MDH1: variants seen among roughly 807,000 people sequenced by gnomAD.
MDH1 encodes the protein malate dehydrogenase, cytoplasmic.
MDH1 carries 15 observed loss-of-function variants against 38.7 expected under a neutral mutation model. The ratio of observed to expected loss-of-function variants is 0.39; its 90% CI spans 0.26 to 0.60. MDH1 has a LOEUF of 0.60. Among genes scored for constraint, MDH1 ranks in the 20% least tolerant of loss-of-function variants. MDH1 has a pLI of 0.56. For synonymous variants in MDH1, 144 were observed against 143.6 expected (o/e 1.00, Z -0.02); for missense variants, 368 against 405.2 (o/e 0.91, Z 0.79).
intron 5 of MDH1, among the ~76,000 whole-genome samples, chr2:63,603,655 C>CTTTTTTTTTT (rs11297982): frequency 2.0e-5 from 2 of 99,112 alleles, no homozygotes; most frequent in Admixed American, 1.2e-4. Flanking sequence ...CAAGACATTT[C>CTTTTTTTTTT]TTTTTTTTTT....
Position 63,591,556 on chromosome 2 carries a change from G to A in MDH1, c.3+2510G>A, listed in dbSNP as rs180736220. Among the ~76,000 whole-genome samples, 10 of 152,246 alleles carry A rather than the reference G, an allele frequency of 6.6e-5. No individual in the cohort carries two copies. In the East Asian group the frequency reaches 1.9e-3, roughly 29 times the overall value. ...TTCTAACCATATAGGTGACCTTATG[G>A]GAAGTTAAACTTAATAGATAGTGAT... On this transcript the variant is annotated intron_variant, in intron 1 of 8. Coordinates refer to ENST00000233114, the MANE Select transcript of MDH1 (RefSeq NM_005917.4).
intron 5 of MDH1, among the ~76,000 whole-genome samples, chr2:63,600,867 T>C (rs551778876): frequency 6.6e-6 from 1 of 152,348 alleles, no homozygotes; most frequent in East Asian, 1.9e-4. Context: ...TTGCAAACTC[T>C]GGATTGCCAG....
chr2:63,607,090 A>G lies in MDH1; in HGVS notation c.*103A>G. 2.6e-6 allele frequency: 3 copies of G among 1,175,026 alleles called. No individual in the cohort carries two copies. The South Asian group carries it at 5.1e-5, about 20-fold the overall frequency. The allele number at this position is 1,175,026 out of a possible 1,614,324, so 72.8% of individuals were successfully genotyped here. On this transcript the variant is annotated 3_prime_UTR_variant, in exon 9 of 9. Coordinates refer to ENST00000233114, the MANE Select transcript of MDH1 (RefSeq NM_005917.4). ...AATGCTATACTTAAATTACTTGTGA[A>G]AAACAACACATTTTAAAGATTACGT...
intron 5 of MDH1, among the ~76,000 whole-genome samples, chr2:63,603,022 C>T (rs1290482141): frequency 4.5e-5 from 6 of 132,024 alleles, no homozygotes; most frequent in African/African-American, 8.6e-5. Context: ...TGCAATGGCA[C>T]GATCTCGGCT....
intron 4 of MDH1, among the ~76,000 whole-genome samples, chr2:63,598,896 CA>C (rs1333463606): frequency 0.041 from 2,983 of 72,200 alleles, 85 homozygotes; most frequent in African/African-American, 0.12. Context: ...AAAGAGGTAC[CA>C]AAAAAAAAAA....
At chr2:63,605,493 T>C in intron 7 of MDH1, 100 bp downstream of exon 7, 1 of 854,842 alleles carries the variant, frequency 1.2e-6, no homozygotes, top group Non-Finnish European at 1.9e-6. Context: ...TCAGGTTAGG[T>C]TCATTTCTCA....
At chr2:63,591,836 C>G (rs1047559605) in intron 1 of MDH1, among the ~76,000 whole-genome samples, 4 of 152,196 alleles carry the variant, frequency 2.6e-5, no homozygotes, top group Admixed American at 6.5e-5. Context: ...ATACTCACTA[C>G]GTACTGTTCT....
chr2:63,606,118 A>C lies in MDH1; in HGVS notation c.879+90A>C. The C allele has an allele frequency of 3.3e-6, 4 of 1,226,386 alleles. 1 individual carries two copies. The highest frequency in any genetic ancestry group is 4.8e-6 in the Non-Finnish European group (4 of 829,338). 76.0% of individuals were successfully genotyped at this position (1,226,386 alleles called of 1,614,324 possible). A position where few individuals can be genotyped will look rare whatever the true frequency, so the allele number is the denominator to read the frequency against. On this transcript the variant is annotated intron_variant, in intron 8 of 8. Coordinates refer to ENST00000233114, the MANE Select transcript of MDH1 (RefSeq NM_005917.4). ...TATTATTGGCCAGGCACAGTGGCTCACGCCTATAATCCCAACACTTTGGAA... is the reference window on the plus strand; with the variant it reads ...TATTATTGGCCAGGCACAGTGGCTCCCGCCTATAATCCCAACACTTTGGAA...
chr2:63,594,718 G>A, intron 2 of MDH1, 132 bp downstream of exon 2: 4 of 653,432 alleles, frequency 6.1e-6, no homozygotes, highest in Admixed American at 2.8e-5. Context: ...TAGGCACATT[G>A]CTATAAATGG....
At chr2:63,604,151 T>TA (rs1241206911) in intron 5 of MDH1, among the ~76,000 whole-genome samples, 4 of 152,228 alleles carry the variant, frequency 2.6e-5, no homozygotes, top group Non-Finnish European at 5.9e-5. Flanking sequence ...TCCTGATATA[T>TA]AAAATGAGGA....
chr2:63,605,530 T>C (rs898956847), intron 7 of MDH1, 137 bp downstream of exon 7: 7 of 668,224 alleles, frequency 1.0e-5, no homozygotes, highest in Admixed American at 2.9e-5. Context: ...ACAAGTAAAC[T>C]TCGGGGTTTG....
In MDH1 at chr2:63,599,115, G is replaced by C. The variant is rs545800670; in HGVS notation, c.376-55G>C. The C allele has an allele frequency of 9.7e-6, 15 of 1,549,016 alleles. No individual in the cohort carries two copies. The East Asian group carries it at 3.5e-4, about 37-fold the overall frequency. ...ACATTTTCAGTCAAATTTTAACATA[G>C]ATTAGTTAGTAACTATATAGTCTGT... is the stretch of plus-strand genomic sequence containing the variant. On this transcript the variant is annotated intron_variant, in intron 4 of 8. Transcript: ENST00000233114.
intron 2 of MDH1, 141 bp from the exon 3 acceptor site, chr2:63,595,282 C>G (rs146146485): frequency 1.0e-4 from 71 of 690,644 alleles, no homozygotes; most frequent in African/African-American, 1.0e-3. Flanking sequence ...TGCTAGATAC[C>G]TGACCTCCTA....
chr2:63,605,389 C>T lies in MDH1; in HGVS notation c.785C>T (p.Pro262Leu), dbSNP rs766853374. 1 of 1,609,416 alleles carries T rather than the reference C, an allele frequency of 6.2e-7. No individual in the cohort carries two copies. The highest frequency in any genetic ancestry group is 8.5e-7 in the Non-Finnish European group (1 of 1,175,702). ...GTCAGGGACATCTGGTTTGGAACCC[C>T]AGAGGTAAGGATTTAGTGATTTGCA... is the stretch of plus-strand genomic sequence containing the variant. Reference protein sequence around the residue: ...DHVRDIWFGTPEGEFVSMGVI... With the variant: ...DHVRDIWFGTLEGEFVSMGVI... The change falls in exon 7 of 9, where the codon CCA (proline) becomes CTA (leucine). Residue 262 changes from proline to leucine, a missense_variant. Coordinates refer to ENST00000233114, the MANE Select transcript of MDH1 (RefSeq NM_005917.4).
chr2:63,595,824 CACATTATAGACAACGTAGG>C (rs1407144272), intron 3 of MDH1, among the ~76,000 whole-genome samples: 1 of 152,144 alleles, frequency 6.6e-6, no homozygotes, highest in Non-Finnish European at 1.5e-5. Flanking sequence ...TACACACACA[CACATTATAGACAACGTAGG>C]AATTGTCTAC....
rs370479356 is a variant in MDH1 at position 63,602,934 on chromosome 2, C to CTTTTT, written c.499-1723_499-1719dup. On this transcript the variant is annotated intron_variant, in intron 5 of 8. Coordinates refer to ENST00000233114, the MANE Select transcript of MDH1 (RefSeq NM_005917.4). ...ACATAATACAGTTTATTTAACCGTTCTTTTTTTTTTTTTTTTTTTTTTTTT... is the reference window on the plus strand; with the variant it reads ...ACATAATACAGTTTATTTAACCGTTCTTTTTTTTTTTTTTTTTTTTTTTTTTTTTT... Among the ~76,000 whole-genome samples, 1,071 of 131,090 alleles carry CTTTTT rather than the reference C, an allele frequency of 8.2e-3. 56 individuals carry two copies. Among genetic ancestry groups the CTTTTT allele is most frequent in the Non-Finnish European group, 0.015 (867 of 59,226 alleles). The allele number at this position is 131,090 out of a possible 152,430, so 86.0% of individuals were successfully genotyped here. A position where few individuals can be genotyped will look rare whatever the true frequency, so the allele number is the denominator to read the frequency against.
chr2:63,591,678 A>G (rs1209396182), intron 1 of MDH1, among the ~76,000 whole-genome samples: 1 of 152,180 alleles, frequency 6.6e-6, no homozygotes, highest in East Asian at 1.9e-4. Context: ...TTCATTCAAC[A>G]AATACTTTTT....
Position 63,605,407 on chromosome 2 carries a change from G to T in MDH1, c.789+14G>T. The T allele has an allele frequency of 6.5e-7, 1 of 1,531,034 alleles. No homozygotes were observed. The highest frequency in any genetic ancestry group is 1.1e-5 in the South Asian group (1 of 89,326). 94.8% of individuals were successfully genotyped at this position (1,531,034 alleles called of 1,614,324 possible). Reference sequence around the variant, plus strand: ...GGAACCCCAGAGGTAAGGATTTAGTGATTTGCACAGGTCACTCTATTTTAT... The same window carrying T: ...GGAACCCCAGAGGTAAGGATTTAGTTATTTGCACAGGTCACTCTATTTTAT... On this transcript the variant is annotated intron_variant, in intron 7 of 8. Transcript: ENST00000233114.
Position 63,589,496 on chromosome 2 carries a change from T to C in MDH1, c.3+450T>C, listed in dbSNP as rs1709112272. The C allele has an allele frequency of 2.5e-5, 27 of 1,060,096 alleles. 1 individual carries two copies. The South Asian group carries it at 3.3e-4, about 13-fold the overall frequency. The allele number at this position is 1,060,096 out of a possible 1,614,324, so 65.7% of individuals were successfully genotyped here. ...CCTTGAAAGCAAAAAGCTGGAAAGGTAGTATTTACCAGGTGCTCCAGATTA... is the reference window on the plus strand; with the variant it reads ...CCTTGAAAGCAAAAAGCTGGAAAGGCAGTATTTACCAGGTGCTCCAGATTA... On this transcript the variant is annotated intron_variant, in intron 1 of 8. Transcript: ENST00000233114.
Sources: gnomAD v4.1 joint callset for allele counts (sites outside exome capture counted in the v4.1 genomes callset) on GRCh38, gnomAD v4.1.1 for gene constraint, MANE v1.5 for transcripts, NCBI Gene and HGNC (gene_info 2026-07-23, HGNC 2026-07-21) for gene names.